AP3B2: variants seen among roughly 807,000 people sequenced by gnomAD.
AP3B2 encodes adaptor related protein complex 3 subunit beta 2.
AP3B2 carries 50 observed loss-of-function variants against 126.9 expected under a neutral mutation model. The ratio of observed to expected loss-of-function variants is 0.39; its 90% CI spans 0.31 to 0.50. AP3B2 has a LOEUF of 0.50. AP3B2 is among the 20% of genes least tolerant of loss of function. The pLI is 0.79. For missense variants in AP3B2, 1,177 were observed against 1,426.4 expected (o/e 0.83, Z 2.82); for synonymous variants, 541 against 565.0 (o/e 0.96, Z 0.60).
chr15:82,661,040 T>C (rs577594774), intron 25 of AP3B2, among the ~76,000 whole-genome samples: 128 of 152,290 alleles, frequency 8.4e-4, no homozygotes, highest in African/African-American at 3.0e-3. Context: ...GCAGACACCT[T>C]CTGCCTTGTT....
chr15:82,672,085 C>T (rs2048168685), intron 14 of AP3B2, among the ~76,000 whole-genome samples: 1 of 152,082 alleles, frequency 6.6e-6, no homozygotes, highest in African/African-American at 2.4e-5. Flanking sequence ...ACCATATGAT[C>T]CAGCAATCCC....
chr15:82,681,685 C>T lies in AP3B2; in HGVS notation c.361-105G>A. On this transcript the variant is annotated intron_variant, in intron 4 of 26. Coordinates refer to ENST00000535359, the MANE Select transcript of AP3B2 (RefSeq NM_001278512.2). This position sits in a 1 kb window ranked among gnomAD's most constrained non-coding sequence, Gnocchi z 4.0. ...TGTCCCCAGCGACCACTAGCTCTTG[C>T]TTCCCTGCCGCTTGACTGGAGCCTG... 2.4e-6 allele frequency: 3 copies of T among 1,257,716 alleles called. No individual in the cohort carries two copies. The highest frequency in any genetic ancestry group is 1.5e-5 in the African/African-American group (1 of 66,974). 77.9% of individuals were successfully genotyped at this position (1,257,716 alleles called of 1,614,324 possible). A position where few individuals can be genotyped will look rare whatever the true frequency, so the allele number is the denominator to read the frequency against.
chr15:82,675,081 G>A (rs1018005744), intron 14 of AP3B2, among the ~76,000 whole-genome samples: 1 of 152,146 alleles, frequency 6.6e-6, no homozygotes, highest in African/African-American at 2.4e-5. Context: ...CCTGAACAAA[G>A]GAAGTATACA....
chr15:82,690,401 T>C (rs1376575117), intron 1 of AP3B2, among the ~76,000 whole-genome samples: 1 of 151,174 alleles, frequency 6.6e-6, no homozygotes, highest in Non-Finnish European at 1.5e-5. Context: ...TATCCCTCCC[T>C]CCTCCCCCAA....
intron 1 of AP3B2, among the ~76,000 whole-genome samples, chr15:82,700,306 A>G (rs1003326319): frequency 3.5e-5 from 5 of 142,866 alleles, no homozygotes; most frequent in Non-Finnish European, 7.5e-5. Flanking sequence ...CTCCCCCGCA[A>G]CCCCTGTGTC....
chr15:82,699,727 C>T (rs1007209955), intron 1 of AP3B2: 2 of 399,464 alleles, frequency 5.0e-6, no homozygotes, highest in African/African-American at 2.1e-5. Context: ...CTGCAGCCAC[C>T]GAAGCTCCTC....
intron 14 of AP3B2, among the ~76,000 whole-genome samples, chr15:82,671,957 T>C (rs1325068158): frequency 2.0e-5 from 3 of 151,926 alleles, no homozygotes; most frequent in Non-Finnish European, 4.4e-5. Context: ...GGCAGGAGAA[T>C]CGTTTGAACC....
At chr15:82,671,311 TATATC>T (rs1416542548) in intron 14 of AP3B2, among the ~76,000 whole-genome samples, 1 of 151,620 alleles carries the variant, frequency 6.6e-6, no homozygotes, top group Admixed American at 6.6e-5. Flanking sequence ...CAAAAAAAGA[TATATC>T]ATCTCACCCC....
chr15:82,689,738 T>A, intron 1 of AP3B2: 1 of 421,684 alleles, frequency 2.4e-6, no homozygotes, highest in East Asian at 4.6e-5. Context: ...TTGTTGCAGA[T>A]GTAATTAGTT....
chr15:82,687,291 A>G (rs899992911), intron 4 of AP3B2: 2 of 152,246 alleles, frequency 1.3e-5, no homozygotes, highest in Non-Finnish European at 2.9e-5. Flanking sequence ...CATTTGCACC[A>G]TAAGGGCAAA....
At chr15:82,702,523 C>A (rs2048734746) in intron 1 of AP3B2, among the ~76,000 whole-genome samples, 1 of 152,110 alleles carries the variant, frequency 6.6e-6, no homozygotes, top group Non-Finnish European at 1.5e-5. Context: ...TTGTGAAATT[C>A]CTTCTCCTGG....
intron 1 of AP3B2, chr15:82,699,278 T>C (rs1185083118): frequency 5.8e-6 from 1 of 171,422 alleles, no homozygotes; most frequent in African/African-American, 2.4e-5. Context: ...TGGCAGGCAG[T>C]GGCTGGCCAA....
chr15:82,693,022 A>C (rs4779049), intron 1 of AP3B2, among the ~76,000 whole-genome samples: 30,501 of 152,012 alleles, frequency 0.2, 3,717 homozygotes, highest in South Asian at 0.34. Context: ...GAAAAGAAGG[A>C]AACAATCATA....
chr15:82,702,132 C>T (rs2048727569), intron 1 of AP3B2, among the ~76,000 whole-genome samples: 1 of 152,166 alleles, frequency 6.6e-6, no homozygotes, highest in Non-Finnish European at 1.5e-5. Context: ...GTTATCTTCA[C>T]TTCTGTGGCT....
chr15:82,709,314 C>G (rs942688240), intron 1 of AP3B2, among the ~76,000 whole-genome samples: 4 of 152,152 alleles, frequency 2.6e-5, no homozygotes, highest in Non-Finnish European at 5.9e-5. Flanking sequence ...GGAGAAACAC[C>G]TGGAACCGGA....
At chr15:82,673,944 C>T (rs1596176056) in intron 14 of AP3B2, among the ~76,000 whole-genome samples, 1 of 152,310 alleles carries the variant, frequency 6.6e-6, no homozygotes, top group East Asian at 1.9e-4. Context: ...AACTAACCTG[C>T]TAGGCAGTTT....
chr15:82,664,626 G>T lies in AP3B2; in HGVS notation c.2138-136C>A. 8.2e-7 allele frequency: 1 copy of T among 1,217,872 alleles called. No homozygotes were observed. Among genetic ancestry groups the T allele is most frequent in the Non-Finnish European group, 1.1e-6 (1 of 873,152 alleles). The allele number at this position is 1,217,872 out of a possible 1,614,324, so 75.4% of individuals were successfully genotyped here. A position where few individuals can be genotyped will look rare whatever the true frequency, so the allele number is the denominator to read the frequency against. ...GACCTGCCCCCAGCCCTACATGCCA[G>T]CTGGAACTGACAGAAACACAGATGG... On this transcript the variant is annotated intron_variant, in intron 18 of 26. Transcript: ENST00000535359. This position sits in a 1 kb window ranked among gnomAD's most constrained non-coding sequence, Gnocchi z 4.5.
At chr15:82,709,480 C>A in intron 1 of AP3B2, 114 bp downstream of exon 1, 2 of 648,544 alleles carry the variant, frequency 3.1e-6, no homozygotes, top group Non-Finnish European at 2.0e-6. Flanking sequence ...GGCTTCCGGT[C>A]GGCGCGGCCG....
At chr15:82,695,245 G>C (rs2048614581) in intron 1 of AP3B2, among the ~76,000 whole-genome samples, 1 of 151,896 alleles carries the variant, frequency 6.6e-6, no homozygotes, top group Non-Finnish European at 1.5e-5. Flanking sequence ...GACTACAGTT[G>C]CCCACCACCA....
Sources: allele counts gnomAD v4.1 joint callset (sites outside exome capture counted in the v4.1 genomes callset), GRCh38; gene constraint gnomAD v4.1.1; non-coding constraint Gnocchi (gnomAD v3.1); transcripts MANE v1.5; gene names NCBI Gene and HGNC (gene_info 2026-07-23, HGNC 2026-07-21).